The following NYAP2 variants were observed in gnomAD, a reference collection of about 807,000 sequenced individuals.
The protein encoded by NYAP2 is neuronal tyrosine-phosphorylated phosphoinositide-3-kinase adaptor 2.
NYAP2 carries 23 observed loss-of-function variants against 50.4 expected under a neutral mutation model. The ratio of observed to expected loss-of-function variants is 0.46; its 90% CI spans 0.33 to 0.65. The LOEUF (loss-of-function observed/expected upper bound fraction) is 0.65, where lower values mean the gene tolerates loss of function less well. Ranked by LOEUF, NYAP2 falls within the 30% of genes least tolerant of loss-of-function variation. NYAP2 has a pLI of 0.02. For synonymous variants in NYAP2, 394 were observed against 365.2 expected (o/e 1.08, Z -0.90); for missense variants, 885 against 861.0 (o/e 1.03, Z -0.35).
intron 3 of NYAP2, among the ~76,000 whole-genome samples, chr2:225,471,842 C>G (rs892085446): frequency 1.3e-5 from 2 of 152,174 alleles, no homozygotes; most frequent in African/African-American, 4.8e-5. Flanking sequence ...AGCTATCTCT[C>G]TGTGACAGCT....
the NYAP2 span, among the ~76,000 whole-genome samples, chr2:225,664,878 C>G: frequency 6.6e-6 from 1 of 151,880 alleles, no homozygotes; most frequent in Non-Finnish European, 1.5e-5. Context: ...ATCTCAAAAA[C>G]AAACAAACAA....
intron 3 of NYAP2, among the ~76,000 whole-genome samples, chr2:225,465,480 G>T (rs1482611118): frequency 6.6e-6 from 1 of 152,106 alleles, no homozygotes; most frequent in African/African-American, 2.4e-5. Context: ...ACTTTGGGAG[G>T]CCGAGGTGGG....
chr2:225,657,591 TAAAAAAAAA>T, downstream of NYAP2, among the ~76,000 whole-genome samples: 1 of 77,176 alleles, frequency 1.3e-5, no homozygotes, highest in African/African-American at 4.4e-5. Flanking sequence ...AAAACTGCTC[TAAAAAAAAA>T]AAAAAAAAAG....
intron 5 of NYAP2, among the ~76,000 whole-genome samples, chr2:225,587,933 C>CT (rs985033003): frequency 6.7e-5 from 10 of 149,246 alleles, no homozygotes; most frequent in East Asian, 2.0e-4. Context: ...GTAGTAAATA[C>CT]TTTTTTTTTT....
the NYAP2 span, among the ~76,000 whole-genome samples, chr2:225,664,733 G>C: frequency 1.3e-5 from 2 of 151,794 alleles, no homozygotes; most frequent in African/African-American, 4.8e-5. Context: ...AAAATTAGCC[G>C]GGCGTGGTGG....
chr2:225,656,451 C>T (rs1333655283), downstream of NYAP2, among the ~76,000 whole-genome samples: 1 of 152,168 alleles, frequency 6.6e-6, no homozygotes, highest in Non-Finnish European at 1.5e-5. Context: ...TCACCAAGCT[C>T]CTAACTTCCC....
At chr2:225,700,965 A>G in the NYAP2 span, 2 of 151,770 alleles carry the variant, frequency 1.3e-5, no homozygotes, top group African/African-American at 4.8e-5. Context: ...CAAATGCATT[A>G]TTTTCTGAGG....
At chr2:225,650,657 A>G (rs1693714042) in intron 6 of NYAP2, among the ~76,000 whole-genome samples, 1 of 152,216 alleles carries the variant, frequency 6.6e-6, no homozygotes, top group Non-Finnish European at 1.5e-5. Context: ...CTTACACTGA[A>G]GTTTGTGATA....
At chr2:225,466,772 G>T (rs945869627) in intron 3 of NYAP2, among the ~76,000 whole-genome samples, 2 of 152,062 alleles carry the variant, frequency 1.3e-5, no homozygotes, top group African/African-American at 2.4e-5. Flanking sequence ...AATATTGAGA[G>T]AATTTGTATT....
At chr2:225,421,065 G>A (rs1043267315) in intron 3 of NYAP2, among the ~76,000 whole-genome samples, 9 of 151,766 alleles carry the variant, frequency 5.9e-5, no homozygotes, top group Admixed American at 1.3e-4. Context: ...TAGGACCACC[G>A]TCACACACCA....
At chr2:225,446,246 CTATATATA>C (rs58633886) in intron 3 of NYAP2, among the ~76,000 whole-genome samples, 1,692 of 81,912 alleles carry the variant, frequency 0.021, 21 homozygotes, top group African/African-American at 0.04. Flanking sequence ...CTCTCTCTCT[CTATATATA>C]TATATATATA....
chr2:225,600,197 G>A (rs1016696804), intron 5 of NYAP2, among the ~76,000 whole-genome samples: 28 of 152,210 alleles, frequency 1.8e-4, no homozygotes, highest in African/African-American at 6.7e-4. Context: ...AAATCATAGG[G>A]AGTTGAAATT....
chr2:225,444,556 A>G (rs987861179), intron 3 of NYAP2, among the ~76,000 whole-genome samples: 5 of 152,214 alleles, frequency 3.3e-5, no homozygotes, highest in African/African-American at 9.6e-5. Flanking sequence ...TGTAGAAATC[A>G]TAATTAAGAG....
chr2:225,476,981 G>T (rs182790323), intron 3 of NYAP2, among the ~76,000 whole-genome samples: 63 of 152,040 alleles, frequency 4.1e-4, no homozygotes, highest in Non-Finnish European at 7.8e-4. Flanking sequence ...TTGCTGACCT[G>T]TATTAACTAC....
At chr2:225,690,076 G>T in the NYAP2 span, among the ~76,000 whole-genome samples, 2 of 152,180 alleles carry the variant, frequency 1.3e-5, no homozygotes, top group South Asian at 4.1e-4. Flanking sequence ...GCAGAGTCAT[G>T]TTCCTAGCCT....
intron 3 of NYAP2, among the ~76,000 whole-genome samples, chr2:225,455,913 G>C (rs577241882): frequency 6.6e-6 from 1 of 152,098 alleles, no homozygotes; most frequent in East Asian, 1.9e-4. Context: ...TAGACCTGCC[G>C]TTAGAAAATA....
intron 3 of NYAP2, among the ~76,000 whole-genome samples, chr2:225,412,223 C>G (rs1451911092): frequency 8.1e-6 from 1 of 123,872 alleles, no homozygotes; most frequent in Admixed American, 1.0e-4. Flanking sequence ...TCCCAAAGTG[C>G]TGGGATTACA....
intron 5 of NYAP2, among the ~76,000 whole-genome samples, chr2:225,622,531 T>TTCTTTCTTTCTTTCTG (rs1277722522): frequency 2.0e-5 from 1 of 48,996 alleles, no homozygotes; most frequent in African/African-American, 7.8e-5. Context: ...CTTTCTTTCT[T>TTCTTTCTTTCTTTCTG]TCTTTCTTTC....
At chr2:225,457,089 T>G (rs1043049087) in intron 3 of NYAP2, among the ~76,000 whole-genome samples, 12 of 152,204 alleles carry the variant, frequency 7.9e-5, no homozygotes, top group Non-Finnish European at 1.2e-4. Flanking sequence ...TCACCTTCCA[T>G]TATTGATTCA....
Sources: allele counts gnomAD v4.1 joint callset (sites outside exome capture counted in the v4.1 genomes callset), GRCh38; gene constraint gnomAD v4.1.1; transcripts MANE v1.5; gene names NCBI Gene and HGNC (gene_info 2026-07-23, HGNC 2026-07-21).